RELN: variants seen among roughly 807,000 people sequenced by gnomAD.
RELN encodes reelin.
In RELN, 108 loss-of-function variants were observed where a neutral mutation model predicts 427.6. The observed-to-expected ratio is 0.25, with a 90% CI of 0.22 to 0.30. The LOEUF is 0.30. RELN is among the 10% of genes least tolerant of loss of function. RELN has a pLI of 1.00. For missense variants in RELN, 3,715 were observed against 4,302.8 expected, an observed-to-expected ratio of 0.86 and a Z score of 3.82; for synonymous variants, 1,524 against 1,513.4, an observed-to-expected ratio of 1.01 and a Z score of -0.16.
intron 3 of RELN, among the ~76,000 whole-genome samples, chr7:103,810,832 A>G (rs1056612797): frequency 9.9e-5 from 15 of 152,152 alleles, no homozygotes; most frequent in Non-Finnish European, 2.2e-4. Flanking sequence ...AGAAATTACC[A>G]TATATCTTGA....
chr7:103,490,556 C>T, intron 59 of RELN, 112 bp downstream of exon 59: 2 of 1,157,374 alleles, frequency 1.7e-6, no homozygotes, highest in South Asian at 1.2e-5. Context: ...GAGAGGGCAC[C>T]AGGGCTGCAT....
chr7:103,518,987 T>C (rs1489264025), intron 49 of RELN, among the ~76,000 whole-genome samples: 1 of 152,222 alleles, frequency 6.6e-6, no homozygotes, highest in Non-Finnish European at 1.5e-5. Context: ...GTGTACACTA[T>C]ATAAATAAAT....
intron 46 of RELN, among the ~76,000 whole-genome samples, chr7:103,529,230 T>C (rs1474656673): frequency 6.6e-6 from 1 of 152,172 alleles, no homozygotes; most frequent in Non-Finnish European, 1.5e-5. Context: ...AATGTTGCCA[T>C]TATTTGTGCA....
rs142002220 is a variant in RELN, at chr7:103,497,946, A to G, written c.8844-20T>C. On this transcript the variant is annotated intron_variant, in intron 54 of 64. Coordinates refer to ENST00000428762, the MANE Select transcript of RELN (RefSeq NM_005045.4). ...AGGAACCTGAATGCAAGCACATTTT[A>G]TCCATCAGAATAATTCATTAGAACA... 48 of 1,609,944 alleles carry G rather than the reference A, an allele frequency of 3.0e-5. No individual in the cohort carries two copies. The East Asian group carries it at 1.0e-3, about 35-fold the overall frequency.
At position 103,977,004 on chromosome 7, in the gene RELN, T is replaced by C. The variant is rs555192327; in HGVS notation, c.226+12127A>G. 4.0e-5 allele frequency among the ~76,000 whole-genome samples: 6 copies of C among 151,500 alleles called. No homozygotes were observed. In the South Asian group the frequency reaches 8.3e-4, roughly 21 times the overall value. Reference sequence around the variant, plus strand: ...AGAGGCTTTGATATTCCCTCGCAGGTTGTTAAGTGTAAGATCTCTGGCAGT... The same window carrying C: ...AGAGGCTTTGATATTCCCTCGCAGGCTGTTAAGTGTAAGATCTCTGGCAGT... On this transcript the variant is annotated intron_variant, in intron 1 of 64. Coordinates refer to ENST00000428762, the MANE Select transcript of RELN (RefSeq NM_005045.4).
chr7:103,612,062 A>C (rs1831972502), intron 20 of RELN, among the ~76,000 whole-genome samples: 1 of 152,152 alleles, frequency 6.6e-6, no homozygotes, highest in Non-Finnish European at 1.5e-5. Context: ...ATTGCTCATG[A>C]ATATAAACCT....
chr7:103,588,581 T>C (rs1284836447), intron 28 of RELN, among the ~76,000 whole-genome samples: 1 of 152,166 alleles, frequency 6.6e-6, no homozygotes, highest in East Asian at 1.9e-4. Flanking sequence ...TGTAACAATA[T>C]TTCACATGTA....
At chr7:103,517,538 C>G (rs3808030) in intron 49 of RELN, among the ~76,000 whole-genome samples, 5,219 of 152,292 alleles carry the variant, frequency 0.034, 140 homozygotes, top group South Asian at 0.15. Flanking sequence ...ACATAACTCT[C>G]TTTTCCTTGC....
chr7:103,931,390 T>C (rs1013896932), intron 1 of RELN, among the ~76,000 whole-genome samples: 1 of 152,080 alleles, frequency 6.6e-6, no homozygotes, highest in African/African-American at 2.4e-5. Flanking sequence ...AGCATTTGAG[T>C]CTTCATTCTT....
chr7:103,884,813 G>C (rs1794686393), intron 2 of RELN, among the ~76,000 whole-genome samples: 1 of 152,128 alleles, frequency 6.6e-6, no homozygotes, highest in Non-Finnish European at 1.5e-5. Flanking sequence ...GGAGGAATAG[G>C]AACACTTTTA....
intron 2 of RELN, among the ~76,000 whole-genome samples, chr7:103,885,525 TGGAGTG>T (rs761368394): frequency 2.0e-5 from 3 of 152,026 alleles, no homozygotes; most frequent in Non-Finnish European, 4.4e-5. Flanking sequence ...ACTCATAAGT[TGGAGTG>T]GAACAATGAG....
intron 3 of RELN, among the ~76,000 whole-genome samples, chr7:103,778,435 G>A (rs1791801060): frequency 6.6e-6 from 1 of 152,016 alleles, no homozygotes; most frequent in South Asian, 2.1e-4. Flanking sequence ...CGTTTTTGTT[G>A]TCTTCTGGTT....
In RELN at chr7:103,652,718, C is replaced by T. The variant is rs41276154; in HGVS notation, c.1596G>A (p.Gln532=). Residue 532 remains glutamine (Q), a synonymous_variant, in exon 14 of 65, where the codon CAG becomes CAA. Coordinates refer to ENST00000428762, the MANE Select transcript of RELN (RefSeq NM_005045.4). The stretch of plus-strand genomic sequence containing the variant: ...TGAGACAAAATTTGGTAGCAGGAGT[C>T]TGAAGTTCAGGATTGATGACCACAG... ...LVSVVINPEL[Q]TPATKFCLRQ... The T allele has an allele frequency of 0.029, 46,899 of 1,612,708 alleles. 866 individuals are homozygous for T. The highest frequency in any genetic ancestry group is 0.072 in the African/African-American group (5,413 of 74,916).
chr7:103,585,443 G>C (rs1262935616), intron 28 of RELN, among the ~76,000 whole-genome samples: 2 of 152,026 alleles, frequency 1.3e-5, no homozygotes, highest in African/African-American at 4.8e-5. Context: ...ATACAAACTA[G>C]AAAACCTAGA....
intron 57 of RELN, among the ~76,000 whole-genome samples, chr7:103,495,519 C>A (rs1584231583): frequency 1.3e-5 from 2 of 152,026 alleles, no homozygotes; most frequent in African/African-American, 4.8e-5. Context: ...TGCTATGTCC[C>A]AACATTTTCA....
chr7:103,908,298 G>C (rs1157139988), intron 2 of RELN, among the ~76,000 whole-genome samples: 2 of 152,106 alleles, frequency 1.3e-5, no homozygotes, highest in African/African-American at 2.4e-5. Context: ...TCAAAGAAAG[G>C]ATTCTTACTT....
chr7:103,608,023 C>G (rs1187428359), intron 22 of RELN, among the ~76,000 whole-genome samples: 2 of 152,150 alleles, frequency 1.3e-5, no homozygotes, highest in Non-Finnish European at 2.9e-5. Flanking sequence ...CCAAAGTTAA[C>G]AAATATGTGA....
At chr7:103,738,176 G>A (rs1562981560) in intron 6 of RELN, among the ~76,000 whole-genome samples, 1 of 150,290 alleles carries the variant, frequency 6.7e-6, no homozygotes, top group Non-Finnish European at 1.5e-5. Context: ...ATCAGAGCCT[G>A]GTGATATTAG....
chr7:103,893,671 T>C (rs1794897389), intron 2 of RELN, among the ~76,000 whole-genome samples: 1 of 152,210 alleles, frequency 6.6e-6, no homozygotes. Context: ...CTTCTTTTAA[T>C]ACCACAGTCC....
Sources: gnomAD v4.1 joint callset for allele counts (sites outside exome capture counted in the v4.1 genomes callset) on GRCh38, gnomAD v4.1.1 for gene constraint, MANE v1.5 for transcripts, NCBI Gene and HGNC (gene_info 2026-07-23, HGNC 2026-07-21) for gene names.